The following ASAP1 variants were observed in gnomAD, a reference collection of about 807,000 sequenced individuals.
ASAP1 encodes ArfGAP with SH3 domain, ankyrin repeat and PH domain 1, also known as arf-GAP with SH3 domain, ANK repeat and PH domain-containing protein 1.
In ASAP1, 43 loss-of-function variants were observed where a neutral mutation model predicts 145.2. The observed-to-expected ratio is 0.30, with a 90% CI of 0.23 to 0.38. The LOEUF (loss-of-function observed/expected upper bound fraction) is 0.38. ASAP1 is among the 10% of genes least tolerant of loss of function. The pLI is 1.00. For synonymous variants in ASAP1, 546 were observed against 515.5 expected, an observed-to-expected ratio of 1.06 and a Z score of -0.80; for missense variants, 1,018 against 1,355.3, an observed-to-expected ratio of 0.75 and a Z score of 3.91.
intron 26 of ASAP1, among the ~76,000 whole-genome samples, chr8:130,076,613 C>T (rs1391712859): frequency 2.6e-5 from 4 of 152,126 alleles, no homozygotes; most frequent in Non-Finnish European, 4.4e-5. Flanking sequence ...CCTCGGCCTC[C>T]TGGGTTCAAG....
At chr8:130,211,934 G>A (rs747592120) in intron 5 of ASAP1, among the ~76,000 whole-genome samples, 6 of 152,234 alleles carry the variant, frequency 3.9e-5, no homozygotes, top group Non-Finnish European at 8.8e-5. Context: ...GTTCCCACGG[G>A]GGTACTCCTG....
intron 1 of ASAP1, among the ~76,000 whole-genome samples, chr8:130,413,956 A>T (rs1009960351): frequency 6.6e-6 from 1 of 152,212 alleles, no homozygotes; most frequent in African/African-American, 2.4e-5. Flanking sequence ...TGAGGAGCCC[A>T]CCCAAGTGAG....
chr8:130,074,852 A>G (rs2097458750), intron 27 of ASAP1, among the ~76,000 whole-genome samples: 1 of 152,128 alleles, frequency 6.6e-6, no homozygotes, highest in Non-Finnish European at 1.5e-5. Context: ...TCATAGGGAG[A>G]GCCAGACTGC....
intron 2 of ASAP1, among the ~76,000 whole-genome samples, chr8:130,396,586 T>A (rs1215567139): frequency 6.6e-6 from 1 of 152,264 alleles, no homozygotes; most frequent in Non-Finnish European, 1.5e-5. Context: ...TCTTTTTCTT[T>A]TACATCCAGA....
intron 1 of ASAP1, among the ~76,000 whole-genome samples, chr8:130,429,525 T>C (rs964486861): frequency 6.6e-6 from 1 of 152,208 alleles, no homozygotes; most frequent in African/African-American, 2.4e-5. Context: ...AAAGCCAAGT[T>C]AGGACCCACA....
At chr8:130,313,929 G>T (rs981473902) in intron 3 of ASAP1, among the ~76,000 whole-genome samples, 1 of 152,172 alleles carries the variant, frequency 6.6e-6, no homozygotes, top group African/African-American at 2.4e-5. Context: ...CTTCAGCTCA[G>T]CCCTGCAGAC....
At chr8:130,300,184 A>AGAGAGCGC (rs761456724) in intron 3 of ASAP1, among the ~76,000 whole-genome samples, 5 of 140,362 alleles carry the variant, frequency 3.6e-5, no homozygotes, top group African/African-American at 1.4e-4. Flanking sequence ...AGAGAGAGAG[A>AGAGAGCGC]GAGCGAGCGA....
chr8:130,392,791 GAGA>G (rs1443331141), intron 2 of ASAP1, among the ~76,000 whole-genome samples: 1 of 152,080 alleles, frequency 6.6e-6, no homozygotes, highest in Non-Finnish European at 1.5e-5. Context: ...CAGATGGTGA[GAGA>G]AGGAGGTGGG....
At chr8:130,318,571 A>G (rs1823810614) in intron 3 of ASAP1, among the ~76,000 whole-genome samples, 1 of 152,240 alleles carries the variant, frequency 6.6e-6, no homozygotes, top group African/African-American at 2.4e-5. Context: ...GGCAAATGAC[A>G]CAGCGAATTA....
At chr8:130,285,581 A>ATTC (rs1821557548) in intron 3 of ASAP1, among the ~76,000 whole-genome samples, 1 of 152,214 alleles carries the variant, frequency 6.6e-6, no homozygotes, top group Non-Finnish European at 1.5e-5. Context: ...CTTCAAAAAT[A>ATTC]TTCAGCCAAT....
intron 3 of ASAP1, among the ~76,000 whole-genome samples, chr8:130,243,312 G>A (rs762165849): frequency 1.3e-5 from 2 of 151,922 alleles, no homozygotes; most frequent in Admixed American, 6.6e-5. Context: ...AAGTACCTGC[G>A]TCTCTCCCTG....
chr8:130,357,089 T>G (rs1036854719), intron 3 of ASAP1, among the ~76,000 whole-genome samples: 1 of 152,212 alleles, frequency 6.6e-6, no homozygotes, highest in Non-Finnish European at 1.5e-5. Flanking sequence ...ATTTTTATCG[T>G]GGCCCCAGAG....
chr8:130,072,825 G>GTGTGTGTGCGCGCGCGCATGCGCGCGCA, intron 27 of ASAP1, among the ~76,000 whole-genome samples: 1 of 54,110 alleles, frequency 1.8e-5, no homozygotes. Context: ...GTGTGTGTGT[G>GTGTGTGTGCGCGCGCGCATGCGCGCGCA]CGCGCGGGGG....
rs775812728 is a variant in ASAP1, at chr8:130,057,969, C to T, written c.3300G>A (p.Glu1100=). The part of the protein sequence containing the change: ...EGEVIIVTGE[E]DQEWWIGHIE... ...TCGTACGTACCCACCACTCCTGGTC[C>T]TCTTCCCCTGTGACGATAATCACTT... Residue 1100 remains glutamate, a synonymous_variant, in exon 29 of 30, where the codon GAG becomes GAA. Coordinates refer to ENST00000518721, the MANE Select transcript of ASAP1 (RefSeq NM_018482.4). 7 of 1,614,094 alleles carry T rather than the reference C, an allele frequency of 4.3e-6. No individual in the cohort carries two copies. In the South Asian group the frequency reaches 5.5e-5, roughly 13 times the overall value.
chr8:130,145,102 G>C (rs1191020142), intron 13 of ASAP1, among the ~76,000 whole-genome samples: 2 of 152,106 alleles, frequency 1.3e-5, no homozygotes, highest in African/African-American at 4.8e-5. Context: ...CATCCACGCA[G>C]GCATTTCTGC....
chr8:130,322,542 G>T (rs1000894924), intron 3 of ASAP1, among the ~76,000 whole-genome samples: 3 of 152,186 alleles, frequency 2.0e-5, no homozygotes, highest in Non-Finnish European at 4.4e-5. Flanking sequence ...ATTAAATACA[G>T]AACTGGGGAC....
At chr8:130,286,390 A>G (rs1211775759) in intron 3 of ASAP1, among the ~76,000 whole-genome samples, 2 of 150,878 alleles carry the variant, frequency 1.3e-5, no homozygotes, top group Admixed American at 1.3e-4. Flanking sequence ...TTCCATTCAC[A>G]GTTTAAGTCC....
rs1204766174 is a variant in ASAP1, at chr8:130,376,031, TAACAACAAC to T, written c.60-17897_60-17889del. Among the ~76,000 whole-genome samples, 15 of 152,226 alleles carry T rather than the reference TAACAACAAC, an allele frequency of 9.9e-5. No homozygotes were observed. In the East Asian group the frequency reaches 2.7e-3, roughly 27 times the overall value. ...ACACATTGGCACGCCATACACAAATTAACAACAACAACAAAAAGACATAATCAATTTGGA... is the reference window on the plus strand; with the variant it reads ...ACACATTGGCACGCCATACACAAATTAACAAAAAGACATAATCAATTTGGA... On this transcript the variant is annotated intron_variant, in intron 2 of 29. Coordinates refer to ENST00000518721, the MANE Select transcript of ASAP1 (RefSeq NM_018482.4).
chr8:130,317,216 A>C (rs1418414729), intron 3 of ASAP1, among the ~76,000 whole-genome samples: 2 of 152,118 alleles, frequency 1.3e-5, no homozygotes, highest in Non-Finnish European at 2.9e-5. Flanking sequence ...CTTACATAAA[A>C]CTGGTACCTA....
Sources: allele counts gnomAD v4.1 joint callset (sites outside exome capture counted in the v4.1 genomes callset), GRCh38; gene constraint gnomAD v4.1.1; transcripts MANE v1.5; gene names NCBI Gene and HGNC (gene_info 2026-07-23, HGNC 2026-07-21).